The following APLF variants were observed in gnomAD, a reference collection of about 807,000 sequenced individuals.
APLF encodes the protein aprataxin and PNK-like factor.
Under a neutral mutation model 55.6 loss-of-function variants are expected in APLF, and 61 were observed. The ratio of observed to expected loss-of-function variants is 1.10; its 90% CI spans 0.89 to 1.36. The LOEUF (loss-of-function observed/expected upper bound fraction) is 1.36. APLF is among the 40% of genes most tolerant of loss of function. The probability of loss-of-function intolerance (pLI) is 0.00; values close to 1 mark genes in which losing one functional copy is unlikely to be tolerated. For synonymous variants in APLF, 207 were observed against 214.8 expected, an observed-to-expected ratio of 0.96 and a Z score of 0.32; for missense variants, 611 against 602.5, an observed-to-expected ratio of 1.01 and a Z score of -0.15.
intron 1 of APLF, among the ~76,000 whole-genome samples, chr2:68,487,704 C>T (rs1676228885): frequency 6.6e-6 from 1 of 152,078 alleles, no homozygotes; most frequent in Non-Finnish European, 1.5e-5. Flanking sequence ...ACTTGCTCCC[C>T]ACCCCTCTCC....
At chr2:68,514,490 A>C (rs1405959333) in intron 5 of APLF, among the ~76,000 whole-genome samples, 1 of 151,746 alleles carries the variant, frequency 6.6e-6, no homozygotes, top group Non-Finnish European at 1.5e-5. Context: ...TTCCCCTGTT[A>C]TGTATGGCAG....
intron 8 of APLF, among the ~76,000 whole-genome samples, chr2:68,555,663 C>T (rs567357281): frequency 2.0e-5 from 3 of 152,166 alleles, no homozygotes; most frequent in South Asian, 2.1e-4. Flanking sequence ...TACCACCCTG[C>T]GCCTGCAAGA....
At chr2:68,567,265 G>C in intron 8 of APLF, 76 bp from the exon 9 acceptor site, 8 of 1,252,600 alleles carry the variant, frequency 6.4e-6, no homozygotes, top group African/African-American at 3.1e-5. Context: ...GTTAGTCAGT[G>C]TTCTGGTTTA....
In APLF at chr2:68,512,372, A is replaced by C. The variant is rs542591512; in HGVS notation, c.342-708A>C. On this transcript the variant is annotated intron_variant, in intron 3 of 9. Coordinates refer to ENST00000303795, the MANE Select transcript of APLF (RefSeq NM_173545.3). The stretch of plus-strand genomic sequence containing the variant: ...ATTCATCTATATTCTTGCACACATC[A>C]GTAGTTCATTCCTTGTTATTTCTGA... Among the ~76,000 whole-genome samples the C allele has an allele frequency of 3.3e-5, 5 of 151,914 alleles. No individual in the cohort carries two copies. In the East Asian group the frequency reaches 7.8e-4, roughly 24 times the overall value.
Position 68,568,348 on chromosome 2 carries a change from C to A in APLF, c.1333+961C>A, listed in dbSNP as rs148732486. The A allele has an allele frequency of 1.7e-4, 166 of 975,488 alleles. No homozygotes were observed. In the African/African-American group the frequency reaches 2.7e-3, roughly 16 times the overall value. The allele number at this position is 975,488 out of a possible 1,614,324, so 60.4% of individuals were successfully genotyped here. ...TGCATACAAACAGCTGACTTGTAAT[C>A]AAGTAAGTGATGAAAGTAAATGATT... On this transcript the variant is annotated intron_variant, in intron 9 of 9. Coordinates refer to ENST00000303795, the MANE Select transcript of APLF (RefSeq NM_173545.3).
In APLF at chr2:68,564,665, T is replaced by A. The variant is rs114009584; in HGVS notation, c.1287-2676T>A. 5.5e-3 allele frequency among the ~76,000 whole-genome samples: 838 copies of A among 152,214 alleles called. 4 individuals are homozygous for A. The highest frequency in any genetic ancestry group is 0.019 in the African/African-American group (801 of 41,544). ...GTTCTGTTGTTATCTCCCTTTTACA[T>A]GTGGGAAAACTGAAGCTCAGACAGC... is the stretch of plus-strand genomic sequence containing the variant. On this transcript the variant is annotated intron_variant, in intron 8 of 9. Transcript: ENST00000303795.
At chr2:68,541,155 A>G (rs1670536268) in intron 7 of APLF, among the ~76,000 whole-genome samples, 1 of 152,212 alleles carries the variant, frequency 6.6e-6, no homozygotes, top group South Asian at 2.1e-4. Context: ...TAAATCTCAG[A>G]TAGATTTTTG....
intron 5 of APLF, among the ~76,000 whole-genome samples, chr2:68,518,401 A>T (rs1484282038): frequency 1.0e-5 from 1 of 100,082 alleles, no homozygotes; most frequent in Non-Finnish European, 1.7e-5. Flanking sequence ...AATATATAAC[A>T]ATATATTATA....
intron 6 of APLF, among the ~76,000 whole-genome samples, chr2:68,536,511 T>C (rs149866063): frequency 6.6e-6 from 1 of 152,194 alleles, no homozygotes; most frequent in East Asian, 1.9e-4. Flanking sequence ...ATCCTAGAAA[T>C]GGTTACCAGG....
intron 1 of APLF, 35 bp from the exon 2 acceptor site, chr2:68,490,155 G>T: frequency 6.7e-7 from 1 of 1,490,638 alleles, no homozygotes; most frequent in Non-Finnish European, 9.1e-7. Context: ...TAAGGAGGTG[G>T]CTATTCTTAA....
chr2:68,501,745 G>C (rs1248226441), intron 2 of APLF, among the ~76,000 whole-genome samples: 1 of 152,138 alleles, frequency 6.6e-6, no homozygotes, highest in Non-Finnish European at 1.5e-5. Context: ...CATAGTGGGA[G>C]TTTCATTTAA....
chr2:68,537,540 TGTATTTTTTAGTAA>T (rs1207492384), intron 6 of APLF, among the ~76,000 whole-genome samples: 1 of 152,094 alleles, frequency 6.6e-6, no homozygotes, highest in Non-Finnish European at 1.5e-5. Flanking sequence ...ACTAATTTTT[TGTATTTTTTAGTAA>T]AGACGGGGTT....
At chr2:68,508,107 TAA>T (rs201608160) in intron 3 of APLF, among the ~76,000 whole-genome samples, 1 of 144,174 alleles carries the variant, frequency 6.9e-6, no homozygotes, top group African/African-American at 2.4e-5. Flanking sequence ...ATACATAACA[TAA>T]ACAAAATTTG....
intron 1 of APLF, among the ~76,000 whole-genome samples, chr2:68,473,945 C>A (rs1463902861): frequency 1.3e-5 from 2 of 152,302 alleles, no homozygotes; most frequent in East Asian, 3.9e-4. Flanking sequence ...CCCAAGATTT[C>A]CCCCCACTTC....
intron 6 of APLF, 113 bp from the exon 7 acceptor site, chr2:68,537,759 C>T (rs1389848207): frequency 1.4e-6 from 1 of 733,304 alleles, no homozygotes; most frequent in Admixed American, 3.3e-5. Flanking sequence ...AAATGTGAAT[C>T]TTGAAGTTTT....
intron 1 of APLF, among the ~76,000 whole-genome samples, chr2:68,484,295 T>C (rs1271571918): frequency 6.6e-6 from 1 of 152,144 alleles, no homozygotes. Flanking sequence ...TCTAGTAATA[T>C]TTAAAACCAG....
intron 6 of APLF, among the ~76,000 whole-genome samples, chr2:68,535,779 C>A (rs1166936841): frequency 6.6e-6 from 1 of 151,842 alleles, no homozygotes; most frequent in Non-Finnish European, 1.5e-5. Flanking sequence ...GTATGAAAAG[C>A]GATTGCCATC....
At chr2:68,537,744 C>T in intron 6 of APLF, 128 bp from the exon 7 acceptor site, 1 of 706,146 alleles carries the variant, frequency 1.4e-6, no homozygotes, top group Non-Finnish European at 2.3e-6. Flanking sequence ...CATTTAAGAA[C>T]TTTAAAATGT....
chr2:68,543,981 CTTTTTTT>C (rs71395974), intron 7 of APLF, among the ~76,000 whole-genome samples: 7 of 128,958 alleles, frequency 5.4e-5, no homozygotes, highest in Admixed American at 1.5e-4. Context: ...ATTGTATTTT[CTTTTTTT>C]TTTTTTTTTT....
Sources: allele counts gnomAD v4.1 joint callset (sites outside exome capture counted in the v4.1 genomes callset), GRCh38; gene constraint gnomAD v4.1.1; transcripts MANE v1.5; gene names NCBI Gene and HGNC (gene_info 2026-07-23, HGNC 2026-07-21).